Variants in DLG2 observed in about 807,000 individuals in gnomAD.
DLG2 encodes the protein discs large MAGUK scaffold protein 2, also known as disks large homolog 2.
Under a neutral mutation model 132.5 loss-of-function variants are expected in DLG2, and 45 were observed. The ratio of observed to expected loss-of-function variants is 0.34; its 90% CI spans 0.27 to 0.44. DLG2 has a LOEUF of 0.44. DLG2 is among the 20% of genes least tolerant of loss of function. DLG2 has a pLI of 1.00. For synonymous variants in DLG2, 424 were observed against 419.6 expected, an observed-to-expected ratio of 1.01 and a Z score of -0.13; for missense variants, 1,045 against 1,196.9, an observed-to-expected ratio of 0.87 and a Z score of 1.87.
At chr11:84,542,925 G>A (rs931386225) in intron 6 of DLG2, among the ~76,000 whole-genome samples, 6 of 78,300 alleles carry the variant, frequency 7.7e-5, no homozygotes, top group African/African-American at 3.3e-4. Flanking sequence ...AGGGATTTCT[G>A]CAGTCTGTAC....
chr11:83,808,124 A>G (rs979793310), intron 17 of DLG2, among the ~76,000 whole-genome samples: 3 of 151,948 alleles, frequency 2.0e-5, no homozygotes, highest in Admixed American at 6.6e-5. Context: ...CATCTCAGTA[A>G]ACAGCCCCCT....
intron 4 of DLG2, among the ~76,000 whole-genome samples, chr11:85,247,237 AAAAT>A (rs1207209624): frequency 9.9e-5 from 15 of 152,094 alleles, no homozygotes; most frequent in Non-Finnish European, 2.2e-4. Flanking sequence ...ATAGTAAAGA[AAAAT>A]AAATAAAGTT....
intron 7 of DLG2, among the ~76,000 whole-genome samples, chr11:84,364,873 G>T (rs1347286621): frequency 3.3e-5 from 5 of 152,182 alleles, no homozygotes; most frequent in Non-Finnish European, 7.3e-5. Context: ...ACTTGATCAT[G>T]GTGGATAAGC....
intron 6 of DLG2, among the ~76,000 whole-genome samples, chr11:84,884,299 C>A (rs1654479744): frequency 6.6e-6 from 1 of 150,850 alleles, no homozygotes; most frequent in South Asian, 2.1e-4. Flanking sequence ...GCTATGAGGT[C>A]TTAGTGTGAT....
At chr11:83,569,724 G>A (rs906705429) in intron 19 of DLG2, among the ~76,000 whole-genome samples, 1 of 152,176 alleles carries the variant, frequency 6.6e-6, no homozygotes, top group African/African-American at 2.4e-5. Flanking sequence ...AGTTAATAGA[G>A]GACATGTCAC....
chr11:85,550,097 T>G (rs2076576709), intron 3 of DLG2, among the ~76,000 whole-genome samples: 1 of 152,262 alleles, frequency 6.6e-6, no homozygotes, highest in Non-Finnish European at 1.5e-5. Flanking sequence ...TCTATGGATT[T>G]GCCTCCAATT....
intron 7 of DLG2, among the ~76,000 whole-genome samples, chr11:84,483,951 A>T (rs897764047): frequency 3.9e-5 from 6 of 152,140 alleles, no homozygotes; most frequent in African/African-American, 1.4e-4. Flanking sequence ...TATTCCCTCT[A>T]TTCTATTGGC....
intron 7 of DLG2, among the ~76,000 whole-genome samples, chr11:84,267,209 T>C (rs996286656): frequency 7.3e-6 from 1 of 137,692 alleles, no homozygotes; most frequent in Non-Finnish European, 1.6e-5. Flanking sequence ...ATGTTGGTAT[T>C]GTGATGATTG....
chr11:83,825,384 T>C (rs1447275558), intron 17 of DLG2, among the ~76,000 whole-genome samples: 1 of 151,758 alleles, frequency 6.6e-6, no homozygotes, highest in Admixed American at 6.6e-5. Context: ...TTTCTCCATG[T>C]TGGTCAGGCT....
intron 3 of DLG2, among the ~76,000 whole-genome samples, chr11:85,331,493 G>A (rs748796930): frequency 5.3e-5 from 8 of 151,916 alleles, no homozygotes; most frequent in South Asian, 2.1e-4. Context: ...AGAATTGGGC[G>A]TGCATATGCA....
At chr11:83,932,264 T>G (rs1450485963) in intron 14 of DLG2, among the ~76,000 whole-genome samples, 1 of 151,378 alleles carries the variant, frequency 6.6e-6, no homozygotes, top group Non-Finnish European at 1.5e-5. Flanking sequence ...AGACGTAATC[T>G]CACTCTGTCA....
intron 7 of DLG2, among the ~76,000 whole-genome samples, chr11:84,300,248 T>C (rs2098137001): frequency 6.6e-6 from 1 of 152,218 alleles, no homozygotes; most frequent in Admixed American, 6.5e-5. Context: ...TATTGCACTC[T>C]TCTGCAAACT....
intron 15 of DLG2, among the ~76,000 whole-genome samples, chr11:83,900,126 G>A (rs570726859): frequency 3.5e-4 from 54 of 152,304 alleles, no homozygotes; most frequent in African/African-American, 1.2e-3. Context: ...TGAGAGAGAT[G>A]ATTTAGGGTA....
At chr11:84,303,643 A>G (rs958518180) in intron 7 of DLG2, among the ~76,000 whole-genome samples, 1 of 152,230 alleles carries the variant, frequency 6.6e-6, no homozygotes, top group Non-Finnish European at 1.5e-5. Flanking sequence ...TCACTGAAAT[A>G]GTATGACCCA....
chr11:83,642,164 C>A (rs556274006), intron 18 of DLG2, among the ~76,000 whole-genome samples: 1 of 152,260 alleles, frequency 6.6e-6, no homozygotes, highest in Admixed American at 6.5e-5. Flanking sequence ...TCTTCTGTAT[C>A]CTAACACCTG....
chr11:85,133,994 CAGAAAGG>C (rs1480704262), intron 5 of DLG2, among the ~76,000 whole-genome samples: 2 of 151,438 alleles, frequency 1.3e-5, no homozygotes, highest in Admixed American at 6.6e-5. Context: ...CACAGGAGCT[CAGAAAGG>C]AGAGAGGGGG....
At chr11:83,791,889 A>T (rs1384269991) in intron 17 of DLG2, among the ~76,000 whole-genome samples, 1 of 152,180 alleles carries the variant, frequency 6.6e-6, no homozygotes, top group Admixed American at 6.5e-5. Context: ...TACTTTTTAA[A>T]GATTCACTAT....
At chr11:83,723,325 A>C (rs1041548335) in intron 18 of DLG2, among the ~76,000 whole-genome samples, 4 of 152,184 alleles carry the variant, frequency 2.6e-5, no homozygotes, top group Non-Finnish European at 5.9e-5. Context: ...GGTTGCAGTG[A>C]GCTGACATCG....
rs564039971 is a variant in DLG2, at chr11:83,857,572, G to C, written c.1565+16848C>G. ...CAAGTTCAGATAATTTTTAGGGCAG[G>C]GAAACTATTTTGTATGACACCATAA... is the stretch of plus-strand genomic sequence containing the variant. On this transcript the variant is annotated intron_variant, in intron 16 of 27. Coordinates refer to ENST00000376104, the MANE Select transcript of DLG2 (RefSeq NM_001142699.3). Among the ~76,000 whole-genome samples, 3 of 152,190 alleles carry C rather than the reference G, an allele frequency of 2.0e-5. No individual in the cohort carries two copies. In the South Asian group the frequency reaches 6.2e-4, roughly 32 times the overall value.
Sources: allele counts gnomAD v4.1 joint callset (sites outside exome capture counted in the v4.1 genomes callset), GRCh38; gene constraint gnomAD v4.1.1; transcripts MANE v1.5; gene names NCBI Gene and HGNC (gene_info 2026-07-23, HGNC 2026-07-21).